BMP7: variants seen among roughly 807,000 people sequenced by gnomAD.
BMP7 encodes the protein osteogenic protein 1.
In BMP7, 12 loss-of-function variants were observed where a neutral mutation model predicts 41.2. The observed-to-expected ratio is 0.29, with a 90% confidence interval of 0.19 to 0.47. The LOEUF is 0.47. BMP7 is among the 20% of genes least tolerant of loss of function. The pLI is 0.99. For missense variants in BMP7, 467 were observed against 606.0 expected (o/e 0.77, Z 2.41); for synonymous variants, 248 against 250.0 (o/e 0.99, Z 0.07).
chr20:57,197,776 A>G (rs77473742), intron 3 of BMP7, among the ~76,000 whole-genome samples: 5,391 of 152,304 alleles, frequency 0.035, 337 homozygotes, highest in African/African-American at 0.12. Flanking sequence ...AGAATCCGTG[A>G]TGGTATTATG....
At chr20:57,246,230 T>G (rs1214390640) in intron 1 of BMP7, among the ~76,000 whole-genome samples, 1 of 152,218 alleles carries the variant, frequency 6.6e-6, no homozygotes, top group Non-Finnish European at 1.5e-5. Flanking sequence ...TGTTGTTAGC[T>G]TTACCCATTG....
At chr20:57,249,385 T>C (rs979268189) in intron 1 of BMP7, among the ~76,000 whole-genome samples, 1 of 152,074 alleles carries the variant, frequency 6.6e-6, no homozygotes, top group African/African-American at 2.4e-5. Context: ...GCTGCAACAC[T>C]GGGAGAGAAA....
intron 2 of BMP7, among the ~76,000 whole-genome samples, chr20:57,225,505 G>A (rs1463769230): frequency 1.3e-5 from 2 of 152,060 alleles, no homozygotes; most frequent in Non-Finnish European, 2.9e-5. Flanking sequence ...CACAACTCTG[G>A]GAGGGAGATT....
At position 57,259,989 on chromosome 20, in the gene BMP7, AC is replaced by A. The variant is rs2066147617; in HGVS notation, c.418+5715del. 6.6e-6 allele frequency among the ~76,000 whole-genome samples: 1 copy of A among 152,160 alleles called. No individual in the cohort carries two copies. Among genetic ancestry groups the A allele is most frequent in the African/African-American group, 2.4e-5 (1 of 41,424 alleles). On this transcript the variant is annotated intron_variant, in intron 1 of 6. Transcript: ENST00000395863. This position sits in a 1 kb window ranked among gnomAD's most constrained non-coding sequence, Gnocchi z 4.7. ...CGGAATTCAATCCCAGCTTGAACAC[AC>A]AGCTAATACCAAACGGCTCACTAAT... is the stretch of plus-strand genomic sequence containing the variant.
Position 57,211,736 on chromosome 20 carries a change from T to C in BMP7, c.612-9113A>G, listed in dbSNP as rs79240129. On this transcript the variant is annotated intron_variant, in intron 2 of 6. Transcript: ENST00000395863. ...GGGGTCAGGGTGGTGTGACTGCGGC[T>C]GGGAACCTTGAGCCAAGAAAGGGGG... Among the ~76,000 whole-genome samples, 1,282 of 152,246 alleles carry C rather than the reference T, an allele frequency of 8.4e-3. 8 individuals are homozygous for C. The highest frequency in any genetic ancestry group is 0.028 in the African/African-American group (1,182 of 41,528).
At position 57,219,278 on chromosome 20, in the gene BMP7, T is replaced by C. The variant is rs1985127805; in HGVS notation, c.611+8951A>G. Among the ~76,000 whole-genome samples the C allele has an allele frequency of 2.7e-4, 40 of 150,172 alleles. 10 individuals carry two copies. Among genetic ancestry groups the C allele is most frequent in the African/African-American group, 9.8e-4 (39 of 39,618 alleles). Reference sequence around the variant, plus strand: ...CTGGTGTTTGCTGGTAGGTGGTGTTTGGTGGTAGGTAGCAGTGAGCAAGGT... The same window carrying C: ...CTGGTGTTTGCTGGTAGGTGGTGTTCGGTGGTAGGTAGCAGTGAGCAAGGT... On this transcript the variant is annotated intron_variant, in intron 2 of 6. Coordinates refer to ENST00000395863, the MANE Select transcript of BMP7 (RefSeq NM_001719.3).
At chr20:57,230,478 A>T (rs1369784644) in intron 1 of BMP7, among the ~76,000 whole-genome samples, 1 of 151,768 alleles carries the variant, frequency 6.6e-6, no homozygotes, top group Non-Finnish European at 1.5e-5. Context: ...GAGCAGCCCG[A>T]GGAAGTGAGT....
At chr20:57,196,726 C>T (rs1290721758) in intron 3 of BMP7, among the ~76,000 whole-genome samples, 1 of 152,096 alleles carries the variant, frequency 6.6e-6, no homozygotes, top group Non-Finnish European at 1.5e-5. Flanking sequence ...GTTTTTAATT[C>T]AAAGCTGGGC....
In BMP7 at chr20:57,168,760, C is replaced by A. The variant is rs751437809; in HGVS notation, c.*2199G>T. ...ACAGACACAGGCCAAAGAGCCAGAACCAAACGTCTCCTTTTATTGCAAGGT... is the reference window on the plus strand; with the variant it reads ...ACAGACACAGGCCAAAGAGCCAGAAACAAACGTCTCCTTTTATTGCAAGGT... On this transcript the variant is annotated 3_prime_UTR_variant, in exon 7 of 7. Transcript: ENST00000395863. 1 of 152,220 alleles carries A rather than the reference C, an allele frequency of 6.6e-6. No individual in the cohort carries two copies. The highest frequency in any genetic ancestry group is 1.5e-5 in the Non-Finnish European group (1 of 68,056). 9.4% of individuals were successfully genotyped at this position (152,220 alleles called of 1,614,324 possible).
At chr20:57,260,840 A>G (rs2066151202) in intron 1 of BMP7, among the ~76,000 whole-genome samples, 2 of 152,228 alleles carry the variant, frequency 1.3e-5, no homozygotes. Context: ...CCAGTGTGCC[A>G]ACAGCCCCCC....
chr20:57,231,271 G>A (rs2066028526), intron 1 of BMP7, among the ~76,000 whole-genome samples: 1 of 152,196 alleles, frequency 6.6e-6, no homozygotes, highest in South Asian at 2.1e-4. Context: ...ATAGTCCATC[G>A]TTGTATTAGA....
chr20:57,197,047 G>A (rs921157243), intron 3 of BMP7, among the ~76,000 whole-genome samples: 2 of 151,742 alleles, frequency 1.3e-5, no homozygotes, highest in Admixed American at 6.6e-5. Flanking sequence ...GACTACAGGC[G>A]CACACCACCA....
chr20:57,248,529 G>A (rs756052050), intron 1 of BMP7, among the ~76,000 whole-genome samples: 25 of 152,310 alleles, frequency 1.6e-4, no homozygotes, highest in Non-Finnish European at 3.2e-4. Flanking sequence ...TTGAATGTGA[G>A]ATTGCATGAG....
At chr20:57,226,459 C>CGAG (rs1279621697) in intron 2 of BMP7, among the ~76,000 whole-genome samples, 1 of 152,220 alleles carries the variant, frequency 6.6e-6, no homozygotes, top group Non-Finnish European at 1.5e-5. Flanking sequence ...CGTATGTCAG[C>CGAG]GAGGGTACTT....
Position 57,265,765 on chromosome 20 carries a change from T to C in BMP7, c.358A>G (p.Ser120Gly). The stretch of plus-strand genomic sequence containing the variant: ...GTGAGGAAATGGCTATCTTGCAGGC[T>C]GGCCAGAGGGGGGCCCTGGGTACTG... ...VFSTQGPPLA[S>G]LQDSHFLTDA... is the part of the protein sequence containing the mutation. The change falls in exon 1 of 7, where the codon AGC becomes GGC. Residue 120 changes from serine to glycine, a missense_variant. By Grantham distance (56) the Ser-to-Gly change is moderately conservative. This residue lies in a region of BMP7 where 407 missense variants were observed against 485.9 expected (regional missense o/e 0.84). Transcript: ENST00000395863. 1 of 1,611,234 alleles carries C rather than the reference T, an allele frequency of 6.2e-7. No individual in the cohort carries two copies. The highest frequency in any genetic ancestry group is 8.5e-7 in the Non-Finnish European group (1 of 1,178,936).
intron 1 of BMP7, among the ~76,000 whole-genome samples, chr20:57,242,278 A>C (rs1844716803): frequency 1.3e-5 from 2 of 152,146 alleles, no homozygotes; most frequent in Admixed American, 1.3e-4. Context: ...AACATTTCAC[A>C]ATGCTCAGGA....
At chr20:57,256,713 TA>T (rs1363610033) in intron 1 of BMP7, among the ~76,000 whole-genome samples, 2 of 151,458 alleles carry the variant, frequency 1.3e-5, no homozygotes, top group Non-Finnish European at 2.9e-5. Flanking sequence ...CTACTAAAAA[TA>T]AAAAATAAAA....
intron 1 of BMP7, among the ~76,000 whole-genome samples, chr20:57,245,034 C>G (rs373363929): frequency 6.6e-6 from 1 of 152,184 alleles, no homozygotes; most frequent in Non-Finnish European, 1.5e-5. Context: ...GCCCCTGTCT[C>G]CCTTTCAAAA....
intron 3 of BMP7, among the ~76,000 whole-genome samples, chr20:57,200,711 CT>C (rs1439825785): frequency 6.6e-6 from 1 of 152,190 alleles, no homozygotes; most frequent in Non-Finnish European, 1.5e-5. Context: ...AGGAGAATCG[CT>C]TGAACCTGGG....
Sources: allele counts gnomAD v4.1 joint callset (sites outside exome capture counted in the v4.1 genomes callset), GRCh38; gene constraint gnomAD v4.1.1; regional missense constraint gnomAD v4.1.1; non-coding constraint Gnocchi (gnomAD v3.1); transcripts MANE v1.5; gene names NCBI Gene and HGNC (gene_info 2026-07-23, HGNC 2026-07-21).